EYS: variants seen among roughly 807,000 people sequenced by gnomAD.
EYS encodes the protein protein eyes shut homolog.
Under a neutral mutation model 282.1 loss-of-function variants are expected in EYS, and 250 were observed. The ratio of observed to expected loss-of-function variants is 0.89; its 90% CI spans 0.80 to 0.98. The LOEUF is 0.98. EYS is among the 50% of genes least tolerant of loss of function. The pLI is 0.00. For synonymous variants in EYS, 1,355 were observed against 1,282.9 expected (o/e 1.06, Z -1.20); for missense variants, 4,016 against 3,709.0 (o/e 1.08, Z -2.15).
chr6:63,761,601 A>T (rs1769643935), intron 41 of EYS, among the ~76,000 whole-genome samples: 1 of 152,042 alleles, frequency 6.6e-6, no homozygotes, highest in South Asian at 2.1e-4. Context: ...CATCCAAATA[A>T]TGCAAAGGTG....
Position 64,564,268 on chromosome 6 carries a change from C to CTTTTTTTTTTTT in EYS, c.5644+25943_5644+25954dup, listed in dbSNP as rs4034161. Among the ~76,000 whole-genome samples, 3 of 59,374 alleles carry CTTTTTTTTTTTT rather than the reference C, an allele frequency of 5.1e-5. 1 individual carries two copies. Among genetic ancestry groups the CTTTTTTTTTTTT allele is most frequent in the Admixed American group, 6.9e-4 (2 of 2,912 alleles). The allele number at this position is 59,374 out of a possible 152,430, so 39.0% of individuals were successfully genotyped here. A position where few individuals can be genotyped will look rare whatever the true frequency, so the allele number is the denominator to read the frequency against. ...TCCTCATCAACACGTATCTTTTGTC[C>CTTTTTTTTTTTT]TTTTTTTTTTTTTTTTTTTTTTTTT... is the stretch of plus-strand genomic sequence containing the variant. On this transcript the variant is annotated intron_variant, in intron 26 of 42. Transcript: ENST00000503581.
intron 13 of EYS, among the ~76,000 whole-genome samples, chr6:65,009,891 C>T (rs1771812016): frequency 6.6e-6 from 1 of 152,162 alleles, no homozygotes; most frequent in African/African-American, 2.4e-5. Flanking sequence ...TCCCAAAACC[C>T]TAAAGCAACT....
chr6:65,182,763 A>C (rs1424361046), intron 12 of EYS, among the ~76,000 whole-genome samples: 1 of 151,776 alleles, frequency 6.6e-6, no homozygotes, highest in African/African-American at 2.4e-5. Context: ...CTCAAACAAG[A>C]CAGTTACTCA....
intron 7 of EYS, among the ~76,000 whole-genome samples, chr6:65,384,970 T>A (rs184134321): frequency 3.3e-5 from 5 of 151,944 alleles, no homozygotes; most frequent in Admixed American, 6.6e-5. Context: ...GGACTTCTGT[T>A]TGTTAGTTGT....
intron 22 of EYS, among the ~76,000 whole-genome samples, chr6:64,800,177 G>A (rs1402801030): frequency 6.6e-6 from 1 of 152,000 alleles, no homozygotes; most frequent in Non-Finnish European, 1.5e-5. Context: ...TATTGCTAAA[G>A]AAATAAAGTA....
At chr6:64,438,950 A>G (rs543087561) in intron 27 of EYS, among the ~76,000 whole-genome samples, 146 of 151,752 alleles carry the variant, frequency 9.6e-4, no homozygotes, top group Middle Eastern at 6.8e-3. Context: ...ACTTTATATT[A>G]TTATTAAATC....
At chr6:64,727,416 C>T (rs1771794140) in intron 22 of EYS, among the ~76,000 whole-genome samples, 1 of 152,114 alleles carries the variant, frequency 6.6e-6, no homozygotes, top group South Asian at 2.1e-4. Flanking sequence ...GGGTTACCAG[C>T]TGTTTACAAG....
intron 12 of EYS, among the ~76,000 whole-genome samples, chr6:65,162,911 T>TTG (rs3036015): frequency 0.65 from 95,351 of 147,256 alleles, 30,984 homozygotes; most frequent in Non-Finnish European, 0.69. Context: ...CCTGTTCTGT[T>TTG]TGTGTGTGTG....
chr6:64,260,729 T>G (rs184054494), intron 30 of EYS, among the ~76,000 whole-genome samples: 1 of 152,198 alleles, frequency 6.6e-6, no homozygotes, highest in East Asian at 1.9e-4. Context: ...TTCTATAGTT[T>G]AATGAATTAT....
intron 13 of EYS, among the ~76,000 whole-genome samples, chr6:65,048,934 T>C (rs1773185848): frequency 1.3e-5 from 2 of 151,884 alleles, no homozygotes; most frequent in African/African-American, 4.8e-5. Flanking sequence ...GCTTGATTTC[T>C]GCAAGCAGTT....
chr6:64,593,181 G>T lies in EYS; in HGVS notation c.3813C>A (p.Ser1271Arg). 1 of 1,549,842 alleles carries T rather than the reference G, an allele frequency of 6.5e-7. No homozygotes were observed. The highest frequency in any genetic ancestry group is 8.7e-7 in the Non-Finnish European group (1 of 1,146,142). ...TAGTAGCCTTTATAGATGGAAAGCT[G>T]CTGACCAAAGTCTCAGAAGGGGGAA... ...YTIPPSETLV[S>R]SFPSIKATRI... Residue 1271 changes from serine to arginine, a missense_variant, in exon 25 of 43, where the codon AGC becomes AGA. Coordinates refer to ENST00000503581, the MANE Select transcript of EYS (RefSeq NM_001142800.2).
intron 1 of EYS, among the ~76,000 whole-genome samples, chr6:65,703,373 TC>T (rs1365796243): frequency 6.6e-6 from 1 of 152,146 alleles, no homozygotes; most frequent in Non-Finnish European, 1.5e-5. Context: ...GAGCAATAAT[TC>T]TTTTTTTATA....
intron 15 of EYS, among the ~76,000 whole-genome samples, chr6:64,937,960 C>T (rs550552208): frequency 6.6e-6 from 1 of 151,650 alleles, no homozygotes; most frequent in South Asian, 2.1e-4. Context: ...AAACAAAGTC[C>T]TTATAACTGC....
chr6:64,384,974 A>G (rs943804652), intron 29 of EYS, among the ~76,000 whole-genome samples: 1 of 152,204 alleles, frequency 6.6e-6, no homozygotes, highest in African/African-American at 2.4e-5. Context: ...GAGAGCATAA[A>G]TGTAACTTAA....
At chr6:65,653,095 C>A (rs1767710101) in intron 1 of EYS, among the ~76,000 whole-genome samples, 2 of 151,876 alleles carry the variant, frequency 1.3e-5, no homozygotes, top group Non-Finnish European at 1.5e-5. Context: ...AAAGGATACA[C>A]AGATTCTGGA....
At chr6:64,451,447 C>G (rs1417897673) in intron 26 of EYS, among the ~76,000 whole-genome samples, 5 of 152,130 alleles carry the variant, frequency 3.3e-5, no homozygotes, top group African/African-American at 9.7e-5. Context: ...GGAGCTGGTA[C>G]CATTCCTTCT....
chr6:65,654,718 C>T (rs142035367), intron 1 of EYS, among the ~76,000 whole-genome samples: 171 of 151,490 alleles, frequency 1.1e-3, no homozygotes, highest in African/African-American at 2.1e-3. Flanking sequence ...AGTCAAGAAA[C>T]GCTCAATAAA....
chr6:64,855,162 G>T (rs1184453159), intron 19 of EYS, among the ~76,000 whole-genome samples: 1 of 151,886 alleles, frequency 6.6e-6, no homozygotes, highest in African/African-American at 2.4e-5. Flanking sequence ...CACCGCGTTT[G>T]TGTGTGTGTA....
chr6:65,188,470 T>C (rs1765563954), intron 12 of EYS, among the ~76,000 whole-genome samples: 1 of 151,582 alleles, frequency 6.6e-6, no homozygotes, highest in Non-Finnish European at 1.5e-5. Flanking sequence ...GTAGCTTAAA[T>C]TTATCCAGGG....
Sources: allele counts gnomAD v4.1 joint callset (sites outside exome capture counted in the v4.1 genomes callset), GRCh38; gene constraint gnomAD v4.1.1; transcripts MANE v1.5; gene names NCBI Gene and HGNC (gene_info 2026-07-23, HGNC 2026-07-21).